The following KRT38 variants were observed in gnomAD, a reference collection of about 807,000 sequenced individuals.
The protein encoded by KRT38 is keratin 38.
In KRT38, 45 loss-of-function variants were observed where a neutral mutation model predicts 43.1. The observed-to-expected ratio is 1.04, with a 90% confidence interval of 0.82 to 1.34. The LOEUF (loss-of-function observed/expected upper bound fraction) is 1.34. Ranked by LOEUF, KRT38 falls within the 40% of genes most tolerant of loss-of-function variation. The probability of loss-of-function intolerance (pLI) is 0.00; values close to 1 mark genes in which losing one functional copy is unlikely to be tolerated. For missense variants in KRT38, 627 were observed against 586.2 expected (o/e 1.07, Z -0.72); for synonymous variants, 258 against 244.0 (o/e 1.06, Z -0.53).
chr17:41,438,949 T>G, intron 3 of KRT38, 91 bp from the exon 4 acceptor site: 1 of 1,475,806 alleles, frequency 6.8e-7, no homozygotes, highest in East Asian at 2.3e-5. Flanking sequence ...TGGCAAGCAG[T>G]AGGAGGGGAG....
chr17:41,440,591 G>C lies in KRT38; in HGVS notation c.331C>G (p.Leu111Val). 1 of 1,614,212 alleles carries C rather than the reference G, an allele frequency of 6.2e-7. No homozygotes were observed. The change falls in exon 1 of 7, where the codon CTG becomes GTG. Residue 111 changes from leucine (L) to valine (V), a missense_variant. Leu to Val is a conservative substitution (Grantham distance 32). Coordinates refer to ENST00000246646, the MANE Select transcript of KRT38 (RefSeq NM_006771.4). ...AGGTAGTTGGCCAGGCGGTCATTCA[G>C]GAACTGCATGGTCTCCTTCTCATGG... ...NGHEKETMQF[L>V]NDRLANYLEK...
intron 6 of KRT38, 88 bp from the exon 7 acceptor site, chr17:41,437,629 T>G: frequency 7.3e-7 from 1 of 1,373,856 alleles, no homozygotes; most frequent in Non-Finnish European, 9.7e-7. Flanking sequence ...GAGTCCCCAC[T>G]GCAAAACAAC....
In KRT38 at chr17:41,438,112, G is replaced by A. The variant is rs1212594014; in HGVS notation, c.1222C>T (p.Leu408=). 6.2e-7 allele frequency: 1 copy of A among 1,614,034 alleles called. No homozygotes were observed. The highest frequency in any genetic ancestry group is 1.3e-5 in the African/African-American group (1 of 74,908). The part of the protein sequence containing the change: ...ENEIATYRNL[L]ESEDCKLPCN... ...ACGTACTTGCAGTCCTCGCTTTCCA[G>A]AAGGTTCCGGTACGTGGCAATCTCA... The change falls in exon 6 of 7, where the codon CTG becomes TTG. Residue 408 remains leucine, a synonymous_variant. Transcript: ENST00000246646.
chr17:41,438,787 G>A lies in KRT38; in HGVS notation c.804C>T (p.Asp268=). The change falls in exon 4 of 7, where the codon GAC becomes GAT. Residue 268 remains aspartate (D), a synonymous_variant. Transcript: ENST00000246646. The part of the protein sequence containing the change: ...RIELDIEPTI[D]LNRVLGEMRA... ...GCATCTCCCCCAGCACCCTGTTCAG[G>A]TCAATGGTGGGCTCAATGTCCAGCT... The A allele has an allele frequency of 6.2e-7, 1 of 1,614,122 alleles. No individual in the cohort carries two copies. The highest frequency in any genetic ancestry group is 8.5e-7 in the Non-Finnish European group (1 of 1,180,024).
Position 41,437,644 on chromosome 17 carries a change from C to G in KRT38, c.1242-103G>C, listed in dbSNP as rs192615532. On this transcript the variant is annotated intron_variant, in intron 6 of 6. Coordinates refer to ENST00000246646, the MANE Select transcript of KRT38 (RefSeq NM_006771.4). ...GAGTCCCCACTGCAAAACAACAGAA[C>G]ATGGACCCAGCTGGACCCTGTGACC... 4.3e-4 allele frequency: 536 copies of G among 1,254,672 alleles called. 1 individual carries two copies. The highest frequency in any genetic ancestry group is 2.1e-3 in the Middle Eastern group (8 of 3,738). 77.7% of individuals were successfully genotyped at this position (1,254,672 alleles called of 1,614,324 possible).
rs1224476514 is a variant in KRT38 at position 41,438,754 on chromosome 17, C to T, written c.837G>A (p.Gln279=). 1.2e-6 allele frequency: 2 copies of T among 1,614,028 alleles called. No homozygotes were observed. Among genetic ancestry groups the T allele is most frequent in the East Asian group, 4.5e-5 (2 of 44,890 alleles). The part of the protein sequence containing the change: ...LNRVLGEMRA[Q]YEAMLETNRQ... ...GGTTGGTCTCCAACATGGCCTCATA[C>T]TGAGCCCGCATCTCCCCCAGCACCC... The change falls in exon 4 of 7, where the codon CAG becomes CAA. Residue 279 remains glutamine (Q), a synonymous_variant. Coordinates refer to ENST00000246646, the MANE Select transcript of KRT38 (RefSeq NM_006771.4).
intron 2 of KRT38, 148 bp downstream of exon 2, chr17:41,440,013 C>A: frequency 1.5e-6 from 1 of 674,506 alleles, no homozygotes; most frequent in South Asian, 1.8e-5. Context: ...TCCCTTCCAT[C>A]TTCCATCAGC....
rs2018755998 is a variant in KRT38 at position 41,438,476 on chromosome 17, G to C, written c.1020+15C>G. On this transcript the variant is annotated intron_variant, in intron 5 of 6. Transcript: ENST00000246646. ...ACGGGGCATTTGCAGTGCAGTGAGA[G>C]TGAAGGACACGTACCAAGGTGTGCT... 1.9e-6 allele frequency: 3 copies of C among 1,614,230 alleles called. No homozygotes were observed. Among genetic ancestry groups the C allele is most frequent in the South Asian group, 1.1e-5 (1 of 91,082 alleles).
At chr17:41,438,427 A>G (rs7209968) in intron 5 of KRT38, 64 bp downstream of exon 5, 474,880 of 1,610,230 alleles carry the variant, frequency 0.29, 72,857 homozygotes, top group South Asian at 0.37. Context: ...AGACCTCCAA[A>G]ATAAAATGCT....
At chr17:41,439,638 T>C (rs1423974308) in intron 2 of KRT38, among the ~76,000 whole-genome samples, 1 of 152,236 alleles carries the variant, frequency 6.6e-6, no homozygotes, top group Non-Finnish European at 1.5e-5. Context: ...ATCATGCATC[T>C]TGGGACCCAG....
intron 5 of KRT38, 58 bp downstream of exon 5, chr17:41,438,433 A>G: frequency 6.2e-7 from 1 of 1,611,294 alleles, no homozygotes. Context: ...CCAAAATAAA[A>G]TGCTACTAGG....
chr17:41,437,539 A>C lies in KRT38; in HGVS notation c.1244T>G (p.Leu415Arg). 1 of 1,562,850 alleles carries C rather than the reference A, an allele frequency of 6.4e-7. No homozygotes were observed. The change falls in exon 7 of 7, where the codon CTC becomes CGC. Residue 415 changes from leucine (L) to arginine (R), a missense_variant and splice_region_variant. Leu to Arg is a moderately radical substitution (Grantham distance 102). Coordinates refer to ENST00000246646, the MANE Select transcript of KRT38 (RefSeq NM_006771.4). ...RNLLESEDCK[L>R]PCNPCSTSPS... ...AGACGTGGAGCACGGATTGCAGGGG[A>C]GTCTGCAGAGAGACAAGGTGAGGGA...
Position 41,440,873 on chromosome 17 carries a change from C to G in KRT38, c.49G>C (p.Ala17Pro), listed in dbSNP as rs2018793605. 3 of 1,575,868 alleles carry G rather than the reference C, an allele frequency of 1.9e-6. No individual in the cohort carries two copies. The highest frequency in any genetic ancestry group is 3.5e-5 in the Admixed American group (2 of 57,344). ...SSSCPLGCTM[A>P]PGARNVSVSP... is the part of the protein sequence containing the mutation. ...ACAGAGACATTTCTTGCTCCAGGAG[C>G]CATGGTGCAACCCAGAGGGCATGAG... Residue 17 changes from alanine to proline, a missense_variant, in exon 1 of 7, where the codon GCT (alanine) becomes CCT (proline). Transcript: ENST00000246646.
intron 2 of KRT38, 38 bp from the exon 3 acceptor site, chr17:41,439,397 C>A: frequency 6.2e-7 from 1 of 1,602,930 alleles, no homozygotes; most frequent in Non-Finnish European, 8.5e-7. Flanking sequence ...AAAGAATGCC[C>A]CCAAGAGCCC....
In KRT38 at chr17:41,438,317, T is replaced by C. The variant is rs369028330; in HGVS notation, c.1021-4A>G. On this transcript the variant is annotated splice_polypyrimidine_tract_variant and splice_region_variant and intron_variant, in intron 5 of 6. Coordinates refer to ENST00000246646, the MANE Select transcript of KRT38 (RefSeq NM_006771.4). ...GGGAGTTCTGCAGACAGTCCTTCTG[T>C]AGTGGGAAATAAGGGGATAAAATAT... The C allele has an allele frequency of 3.7e-6, 6 of 1,612,848 alleles. No individual in the cohort carries two copies. The highest frequency in any genetic ancestry group is 2.7e-5 in the African/African-American group (2 of 74,778).
rs750733944 is a variant in KRT38, at chr17:41,439,396, C to G, written c.576-37G>C. 3.7e-6 allele frequency: 6 copies of G among 1,602,676 alleles called. No individual in the cohort carries two copies. The African/African-American group carries it at 8.0e-5, about 21-fold the overall frequency. ...GGAGGTACAGGGTCAAAAAGAATGC[C>G]CCCAAGAGCCCCTCTCGGCTGCCCT... On this transcript the variant is annotated intron_variant, in intron 2 of 6. Transcript: ENST00000246646.
chr17:41,439,357 A>T lies in KRT38; in HGVS notation c.578T>A (p.Leu193Gln). The T allele has an allele frequency of 6.2e-7, 1 of 1,613,834 alleles. No individual in the cohort carries two copies. The highest frequency in any genetic ancestry group is 1.7e-5 in the Admixed American group (1 of 60,006). The change falls in exon 3 of 7, where the codon CTG becomes CAG. Residue 193 changes from leucine to glutamine, a missense_variant and splice_region_variant. Physicochemically the swap from Leu to Gln is moderately radical, Grantham distance 113. Coordinates refer to ENST00000246646, the MANE Select transcript of KRT38 (RefSeq NM_006771.4). ...CTGGCGCAGGGAGCGCTCACTCTCC[A>T]GCCTTTCATCACAGGAGGTACAGGG... ...KLAADDFRIK[L>Q]ESERSLRQLV... is the part of the protein sequence containing the mutation.
intron 1 of KRT38, 85 bp downstream of exon 1, chr17:41,440,345 A>C: frequency 6.3e-7 from 1 of 1,597,654 alleles, no homozygotes; most frequent in Admixed American, 1.7e-5. Flanking sequence ...CCAAGAACCC[A>C]AAGTTCTCTG....
chr17:41,440,763 G>A lies in KRT38; in HGVS notation c.159C>T (p.Asn53=), dbSNP rs764357647. ...MCLLANVAHA[N]RVRVGSTPLG... is the part of the protein sequence containing the mutation. ...GGGGAGTGGACCCCACACGGACTCG[G>A]TTGGCATGTGCCACGTTGGCCAAAA... The change falls in exon 1 of 7, where the codon AAC becomes AAT. Residue 53 remains asparagine (N), a synonymous_variant. Coordinates refer to ENST00000246646, the MANE Select transcript of KRT38 (RefSeq NM_006771.4). 6.2e-7 allele frequency: 1 copy of A among 1,613,688 alleles called. No homozygotes were observed. The highest frequency in any genetic ancestry group is 1.3e-5 in the African/African-American group (1 of 75,076).
Sources: allele counts gnomAD v4.1 joint callset (sites outside exome capture counted in the v4.1 genomes callset), GRCh38; gene constraint gnomAD v4.1.1; transcripts MANE v1.5; gene names NCBI Gene and HGNC (gene_info 2026-07-23, HGNC 2026-07-21).